The following ADAMTSL1 variants were observed in gnomAD, a reference collection of about 807,000 sequenced individuals.
ADAMTSL1 encodes ADAMTS-like protein 1.
A neutral mutation model predicts 201.8 loss-of-function variants in ADAMTSL1; 126 were observed. The ratio of observed to expected loss-of-function variants is 0.62; its 90% CI spans 0.54 to 0.72. The LOEUF is 0.72. ADAMTSL1 is among the 30% of genes least tolerant of loss of function. ADAMTSL1 has a pLI of 0.00. For synonymous variants in ADAMTSL1, 1,121 were observed against 903.4 expected (o/e 1.24, Z -4.32); for missense variants, 2,679 against 2,277.8 (o/e 1.18, Z -3.59).
chr9:18,266,709 C>A (rs1027210713), intron 2 of ADAMTSL1, among the ~76,000 whole-genome samples: 5 of 152,090 alleles, frequency 3.3e-5, no homozygotes, highest in Non-Finnish European at 7.4e-5. Context: ...ACTTCAGGGG[C>A]CCTATCGATT....
chr9:18,345,058 G>T, intron 2 of ADAMTSL1, among the ~76,000 whole-genome samples: 1 of 152,138 alleles, frequency 6.6e-6, no homozygotes, highest in East Asian at 1.9e-4. Context: ...TGTCCCTGGA[G>T]ATTTGGTCTG....
At chr9:18,045,304 G>T (rs2131645312) in intron 1 of ADAMTSL1, among the ~76,000 whole-genome samples, 1 of 151,238 alleles carries the variant, frequency 6.6e-6, no homozygotes, top group African/African-American at 2.4e-5. Flanking sequence ...TGATGTGGTT[G>T]GTTATTCAAC....
intron 2 of ADAMTSL1, among the ~76,000 whole-genome samples, chr9:18,453,055 C>T (rs1211111385): frequency 6.6e-6 from 1 of 152,224 alleles, no homozygotes; most frequent in Admixed American, 6.5e-5. Flanking sequence ...TCCATGACAT[C>T]CTTCAAAATT....
At chr9:18,395,886 T>G (rs774981684) in intron 2 of ADAMTSL1, among the ~76,000 whole-genome samples, 14 of 152,344 alleles carry the variant, frequency 9.2e-5, no homozygotes, top group Non-Finnish European at 1.8e-4. Context: ...ATGGGTAATA[T>G]ATACATCAAA....
intron 13 of ADAMTSL1, among the ~76,000 whole-genome samples, chr9:18,688,907 AG>A (rs1831040687): frequency 6.6e-6 from 1 of 151,092 alleles, no homozygotes; most frequent in Admixed American, 6.6e-5. Flanking sequence ...GTACTAGAAA[AG>A]GGGGGATGGG....
At chr9:18,234,011 AG>A (rs1272835890) in intron 2 of ADAMTSL1, among the ~76,000 whole-genome samples, 8 of 152,328 alleles carry the variant, frequency 5.3e-5, no homozygotes, top group African/African-American at 1.9e-4. Context: ...GGGAGGCAGA[AG>A]TGAAGTGAGA....
rs548864898 is a variant in ADAMTSL1 at position 18,659,488 on chromosome 9, G to A, written c.946+1738G>A. ...GGATAGAAAATCATTTAGCTGGCCAGGTGCAGTGGCTCACGCCTGTAATCC... is the reference window on the plus strand; with the variant it reads ...GGATAGAAAATCATTTAGCTGGCCAAGTGCAGTGGCTCACGCCTGTAATCC... On this transcript the variant is annotated intron_variant, in intron 8 of 28. Coordinates refer to ENST00000380548, the MANE Select transcript of ADAMTSL1 (RefSeq NM_001040272.6). Among the ~76,000 whole-genome samples, 26 of 152,360 alleles carry A rather than the reference G, an allele frequency of 1.7e-4. 1 individual carries two copies. The highest frequency in any genetic ancestry group is 6.0e-4 in the African/African-American group (25 of 41,592).
chr9:18,293,536 G>A (rs1004642616), intron 2 of ADAMTSL1, among the ~76,000 whole-genome samples: 4 of 152,176 alleles, frequency 2.6e-5, no homozygotes, highest in Non-Finnish European at 4.4e-5. Flanking sequence ...GCTCAGCGGA[G>A]AATACCGAAA....
chr9:18,701,928 A>G (rs543227453), intron 13 of ADAMTSL1, among the ~76,000 whole-genome samples: 1 of 152,362 alleles, frequency 6.6e-6, no homozygotes, highest in East Asian at 1.9e-4. Flanking sequence ...TGCTGAAAAG[A>G]CATCTCTGAG....
chr9:17,957,703 A>G (rs887972052), intron 1 of ADAMTSL1, among the ~76,000 whole-genome samples: 26 of 152,126 alleles, frequency 1.7e-4, no homozygotes, highest in African/African-American at 6.0e-4. Context: ...TGTAATACTG[A>G]ATTAGAGCAG....
intron 14 of ADAMTSL1, among the ~76,000 whole-genome samples, chr9:18,715,075 AT>A: frequency 1.2e-5 from 1 of 82,780 alleles, no homozygotes; most frequent in Non-Finnish European, 2.9e-5. Flanking sequence ...TTAGGTATTG[AT>A]TGGACGTATT....
intron 2 of ADAMTSL1, among the ~76,000 whole-genome samples, chr9:18,411,608 T>G (rs561757872): frequency 6.6e-6 from 1 of 152,206 alleles, no homozygotes; most frequent in African/African-American, 2.4e-5. Flanking sequence ...TCGTTATATA[T>G]ACAATAAAAG....
intron 2 of ADAMTSL1, among the ~76,000 whole-genome samples, chr9:18,166,974 T>C (rs1290094319): frequency 6.6e-6 from 1 of 151,976 alleles, no homozygotes; most frequent in Non-Finnish European, 1.5e-5. Flanking sequence ...TAGCTTCCTC[T>C]CAGAGGGCTA....
At chr9:18,691,672 C>G (rs570526454) in intron 13 of ADAMTSL1, among the ~76,000 whole-genome samples, 1 of 152,222 alleles carries the variant, frequency 6.6e-6, no homozygotes, top group Admixed American at 6.5e-5. Context: ...TACCTCCATG[C>G]AGGACAGCTC....
intron 3 of ADAMTSL1, among the ~76,000 whole-genome samples, chr9:18,550,807 C>G (rs956839969): frequency 6.6e-6 from 1 of 151,616 alleles, no homozygotes; most frequent in African/African-American, 2.4e-5. Flanking sequence ...CAACTGCTGA[C>G]CATAACTTTG....
At chr9:18,581,991 T>C (rs35857771) in intron 4 of ADAMTSL1, among the ~76,000 whole-genome samples, 23,355 of 152,216 alleles carry the variant, frequency 0.15, 2,162 homozygotes, top group South Asian at 0.26. Context: ...TTTCTGCTGG[T>C]ATGAAATTCT....
chr9:18,663,658 G>T (rs550875677), intron 9 of ADAMTSL1, among the ~76,000 whole-genome samples: 2 of 152,034 alleles, frequency 1.3e-5, no homozygotes, highest in African/African-American at 2.4e-5. Context: ...AAATTTGTAC[G>T]TGTATTTCTA....
intron 2 of ADAMTSL1, among the ~76,000 whole-genome samples, chr9:18,218,062 A>G (rs1043512396): frequency 1.3e-5 from 2 of 152,182 alleles, no homozygotes; most frequent in African/African-American, 4.8e-5. Flanking sequence ...AAAAAATAAG[A>G]AAGTTTAATT....
intron 26 of ADAMTSL1, among the ~76,000 whole-genome samples, chr9:18,899,059 G>A (rs1829842084): frequency 6.6e-6 from 1 of 152,138 alleles, no homozygotes; most frequent in Admixed American, 6.6e-5. Flanking sequence ...CATCGTCTCA[G>A]CCCAAAAGTT....
Sources: allele counts gnomAD v4.1 joint callset (sites outside exome capture counted in the v4.1 genomes callset), GRCh38; gene constraint gnomAD v4.1.1; transcripts MANE v1.5; gene names NCBI Gene and HGNC (gene_info 2026-07-23, HGNC 2026-07-21).